ASRGL1: variants seen among roughly 807,000 people sequenced by gnomAD.
ASRGL1 encodes the protein isoaspartyl peptidase/L-asparaginase.
A neutral mutation model predicts 22.4 loss-of-function variants in ASRGL1; 16 were observed. The ratio of observed to expected loss-of-function variants is 0.71; its 90% CI spans 0.48 to 1.08. The LOEUF is 1.08. ASRGL1 is among the 50% of genes least tolerant of loss of function. ASRGL1 has a pLI of 0.00. For missense variants in ASRGL1, 412 were observed against 410.1 expected (o/e 1.00, Z -0.04); for synonymous variants, 165 against 159.3 (o/e 1.04, Z -0.27).
At chr11:62,356,176 C>T (rs1251538374) in intron 2 of ASRGL1, 149 bp from the exon 3 acceptor site, 24 of 845,018 alleles carry the variant, frequency 2.8e-5, no homozygotes, top group Admixed American at 2.5e-4. Context: ...CAGAGGGGCT[C>T]CTCACTTCCC....
At chr11:62,358,371 G>GAAAAAAAAAAAAAAA (rs34743439) in intron 4 of ASRGL1, among the ~76,000 whole-genome samples, 1 of 111,844 alleles carries the variant, frequency 8.9e-6, no homozygotes, top group Non-Finnish European at 1.7e-5. Flanking sequence ...CTCCGTCTCA[G>GAAAAAAAAAAAAAAA]AAAAAAAAAA....
At chr11:62,385,351 A>G (rs549779886) in intron 4 of ASRGL1, among the ~76,000 whole-genome samples, 4 of 150,620 alleles carry the variant, frequency 2.7e-5, no homozygotes, top group South Asian at 2.1e-4. Context: ...AACGTTCTTT[A>G]TAGATAGATG....
chr11:62,398,453 A>G, the ASRGL1 span, among the ~76,000 whole-genome samples: 1 of 152,198 alleles, frequency 6.6e-6, no homozygotes. Context: ...AAATTACCCC[A>G]GGTGGAGGCC....
chr11:62,384,049 T>TGTGA (rs949769865), intron 4 of ASRGL1, among the ~76,000 whole-genome samples: 2 of 151,972 alleles, frequency 1.3e-5, no homozygotes, highest in African/African-American at 4.8e-5. Context: ...TGTGTGTGTG[T>TGTGA]GTGTTTGCCA....
intron 4 of ASRGL1, among the ~76,000 whole-genome samples, chr11:62,375,532 T>G (rs1337935523): frequency 2.3e-5 from 3 of 131,226 alleles, no homozygotes; most frequent in Non-Finnish European, 4.9e-5. Flanking sequence ...ACTGAAAAAA[T>G]AAAAATAAAA....
At chr11:62,367,154 C>T (rs992232003) in intron 4 of ASRGL1, among the ~76,000 whole-genome samples, 3 of 150,900 alleles carry the variant, frequency 2.0e-5, no homozygotes, top group Non-Finnish European at 4.4e-5. Context: ...CTGGCTAACA[C>T]GGTGAAACCG....
In ASRGL1 at chr11:62,357,062, G is replaced by A; in HGVS notation, c.409G>A (p.Glu137Lys). 1 of 1,614,134 alleles carries A rather than the reference G, an allele frequency of 6.2e-7. No individual in the cohort carries two copies. The change falls in exon 4 of 7, where the codon GAA becomes AAA. Residue 137 changes from glutamate to lysine, a missense_variant. By Grantham distance (56) the Glu-to-Lys change is moderately conservative. Coordinates refer to ENST00000415229, the MANE Select transcript of ASRGL1 (RefSeq NM_001083926.2). ...TATGGGGGTTCCAGAGATTCCTGGA[G>A]AAAAACTGGTGACAGAGAGAAACAA... ...AAMGVPEIPGEKLVTERNKKR... is the reference protein window; with the variant it reads ...AAMGVPEIPGKKLVTERNKKR...
chr11:62,389,523 T>C (rs2094356262), intron 5 of ASRGL1: 1 of 480,586 alleles, frequency 2.1e-6, no homozygotes, highest in African/African-American at 1.9e-5. Context: ...GATGCTAACG[T>C]TGCCCCCAGT....
intron 4 of ASRGL1, chr11:62,373,226 C>A: frequency 1.2e-6 from 1 of 855,384 alleles, no homozygotes; most frequent in South Asian, 1.3e-5. Context: ...GCTGTCATTT[C>A]CATGTGCACT....
the ASRGL1 span, among the ~76,000 whole-genome samples, chr11:62,399,775 G>A: frequency 6.6e-6 from 1 of 152,162 alleles, no homozygotes; most frequent in African/African-American, 2.4e-5. Context: ...GTGAGGGCTA[G>A]GGCACAAGCA....
chr11:62,356,615 C>T (rs1946303762), intron 3 of ASRGL1, 148 bp downstream of exon 3: 5 of 1,085,758 alleles, frequency 4.6e-6, no homozygotes, highest in Non-Finnish European at 6.5e-6. Context: ...TTTCTCAAAT[C>T]AGCCATGATT....
chr11:62,340,409 C>T (rs1344305060), intron 2 of ASRGL1, among the ~76,000 whole-genome samples: 5 of 152,214 alleles, frequency 3.3e-5, no homozygotes, highest in African/African-American at 1.2e-4. Flanking sequence ...CTGTGGGTGA[C>T]TTGTTAAACC....
chr11:62,372,570 A>C, intron 4 of ASRGL1: 1 of 895,960 alleles, frequency 1.1e-6, no homozygotes, highest in Admixed American at 1.7e-5. Context: ...AGAAGACAAA[A>C]GACAGATTCT....
chr11:62,344,340 A>T (rs1251627672), intron 2 of ASRGL1, among the ~76,000 whole-genome samples: 1 of 152,118 alleles, frequency 6.6e-6, no homozygotes, highest in Non-Finnish European at 1.5e-5. Flanking sequence ...ATCAGCAGAT[A>T]TTTTCTTTCA....
chr11:62,367,131 G>C (rs188462579), intron 4 of ASRGL1, among the ~76,000 whole-genome samples: 5 of 151,968 alleles, frequency 3.3e-5, no homozygotes, highest in Admixed American at 3.3e-4. Context: ...GAGGTCAGGA[G>C]ATCAAGACCA....
chr11:62,387,662 C>A (rs1349296638), intron 4 of ASRGL1, among the ~76,000 whole-genome samples: 1 of 152,218 alleles, frequency 6.6e-6, no homozygotes, highest in Non-Finnish European at 1.5e-5. Context: ...ACAGCACCTC[C>A]CCACCATCAC....
chr11:62,383,629 G>A (rs75882488), intron 4 of ASRGL1, among the ~76,000 whole-genome samples: 2,805 of 60,968 alleles, frequency 0.046, no homozygotes, highest in South Asian at 0.072. Context: ...AAAAAAAAAA[G>A]AACATCATCA....
chr11:62,351,272 G>C (rs1009348735), intron 2 of ASRGL1, among the ~76,000 whole-genome samples: 1 of 152,098 alleles, frequency 6.6e-6, no homozygotes, highest in African/African-American at 2.4e-5. Flanking sequence ...ACATAATTTG[G>C]AAAATTCAAG....
chr11:62,387,059 A>AT lies in ASRGL1; in HGVS notation c.492-2059dup, dbSNP rs55647741. On this transcript the variant is annotated intron_variant, in intron 4 of 6. Coordinates refer to ENST00000415229, the MANE Select transcript of ASRGL1 (RefSeq NM_001083926.2). ...AGACACACGCCACCACACTTAGCTA[A>AT]TTTTTTTTTTTTTTTGTATTTTTAG... 7.1e-3 allele frequency among the ~76,000 whole-genome samples: 1,021 copies of AT among 143,662 alleles called. 6 individuals carry two copies. The highest frequency in any genetic ancestry group is 0.016 in the African/African-American group (603 of 38,752). The allele number at this position is 143,662 out of a possible 152,430, so 94.2% of individuals were successfully genotyped here.
Sources: gnomAD v4.1 joint callset for allele counts (sites outside exome capture counted in the v4.1 genomes callset) on GRCh38, gnomAD v4.1.1 for gene constraint, MANE v1.5 for transcripts, NCBI Gene and HGNC (gene_info 2026-07-23, HGNC 2026-07-21) for gene names.